Variants in TRAPPC12 observed in about 807,000 individuals in gnomAD.
TRAPPC12 encodes trafficking protein particle complex subunit 12.
TRAPPC12 carries 61 observed loss-of-function variants against 69.2 expected under a neutral mutation model. That is an observed-to-expected ratio of 0.88 (90% CI 0.72 to 1.09). The LOEUF (loss-of-function observed/expected upper bound fraction) is 1.09, where lower values mean the gene tolerates loss of function less well. Ranked by LOEUF, TRAPPC12 falls within the 50% of genes least tolerant of loss-of-function variation. TRAPPC12 has a pLI of 0.00. For synonymous variants in TRAPPC12, 469 were observed against 438.9 expected, an observed-to-expected ratio of 1.07 and a Z score of -0.86; for missense variants, 1,101 against 1,016.4, an observed-to-expected ratio of 1.08 and a Z score of -1.13.
chr2:3,406,799 A>G (rs1661759034), intron 3 of TRAPPC12, among the ~76,000 whole-genome samples: 1 of 152,204 alleles, frequency 6.6e-6, no homozygotes, highest in African/African-American at 2.4e-5. Flanking sequence ...AATCACACAC[A>G]AAGCCATGCA....
intron 3 of TRAPPC12, among the ~76,000 whole-genome samples, chr2:3,420,679 A>G (rs560030011): frequency 3.3e-4 from 51 of 152,300 alleles, no homozygotes; most frequent in Non-Finnish European, 6.2e-4. Flanking sequence ...TGCCTGAGGA[A>G]GCCCAAATAA....
intron 9 of TRAPPC12, among the ~76,000 whole-genome samples, chr2:3,469,574 C>T (rs1221146083): frequency 1.3e-5 from 2 of 152,202 alleles, no homozygotes; most frequent in Non-Finnish European, 2.9e-5. Context: ...GTCACAGGCC[C>T]CTCCAGCAAG....
At chr2:3,404,348 A>G (rs531721280) in intron 3 of TRAPPC12, among the ~76,000 whole-genome samples, 1 of 152,334 alleles carries the variant, frequency 6.6e-6, no homozygotes, top group South Asian at 2.1e-4. Flanking sequence ...CCTAAAGGAA[A>G]AAATATAGAA....
chr2:3,397,714 G>T (rs957000474), intron 2 of TRAPPC12, among the ~76,000 whole-genome samples: 2 of 152,202 alleles, frequency 1.3e-5, no homozygotes, highest in African/African-American at 4.8e-5. Flanking sequence ...TATGTAGGTG[G>T]AACTTATTAT....
chr2:3,429,942 C>G (rs906320110), intron 5 of TRAPPC12, among the ~76,000 whole-genome samples: 2 of 152,148 alleles, frequency 1.3e-5, no homozygotes, highest in Non-Finnish European at 2.9e-5. Context: ...CAATTCAGTC[C>G]CCTCCCAGAG....
At chr2:3,455,557 C>T (rs765999833) in intron 6 of TRAPPC12, 3 of 152,156 alleles carry the variant, frequency 2.0e-5, no homozygotes, top group Non-Finnish European at 4.4e-5. Flanking sequence ...TCCATGAGTT[C>T]AGTTGTTTAA....
At chr2:3,465,935 C>T in intron 9 of TRAPPC12, 1 of 558,990 alleles carries the variant, frequency 1.8e-6, no homozygotes, top group Non-Finnish European at 3.2e-6. Context: ...GTCATCACAG[C>T]CACACTGAAA....
chr2:3,466,607 C>T (rs1665823377), intron 9 of TRAPPC12, among the ~76,000 whole-genome samples: 1 of 152,234 alleles, frequency 6.6e-6, no homozygotes, highest in Non-Finnish European at 1.5e-5. Flanking sequence ...GTTGCTCACA[C>T]ATGCACTGAC....
chr2:3,469,233 C>G (rs1332163433), intron 9 of TRAPPC12, among the ~76,000 whole-genome samples: 3 of 152,172 alleles, frequency 2.0e-5, no homozygotes, highest in East Asian at 3.9e-4. Flanking sequence ...ATTATACGGT[C>G]TCTAAACTGG....
At chr2:3,435,343 A>G (rs1037323647) in intron 5 of TRAPPC12, among the ~76,000 whole-genome samples, 19 of 152,210 alleles carry the variant, frequency 1.2e-4, no homozygotes, top group African/African-American at 4.6e-4. Context: ...CTGGGGGGGC[A>G]GGGGAATGGC....
chr2:3,388,352 G>A lies in TRAPPC12; in HGVS notation c.729G>A (p.Pro243=), dbSNP rs1157056856. ...ISVSNPGAGS[P]APASPPPLAV... ...TCAGCAATCCCGGCGCGGGCTCCCCGGCCCCCGCCAGCCCGCCTCCCCTCG... is the reference window on the plus strand; with the variant it reads ...TCAGCAATCCCGGCGCGGGCTCCCCAGCCCCCGCCAGCCCGCCTCCCCTCG... The change falls in exon 2 of 12, where the codon CCG becomes CCA. Residue 243 remains proline (P), a synonymous_variant. Transcript: ENST00000324266. The A allele has an allele frequency of 1.3e-6, 2 of 1,583,528 alleles. No homozygotes were observed. The highest frequency in any genetic ancestry group is 1.2e-5 in the South Asian group (1 of 86,372).
At chr2:3,466,408 G>C in intron 9 of TRAPPC12, 1 of 471,086 alleles carries the variant, frequency 2.1e-6, no homozygotes, top group South Asian at 1.5e-5. Context: ...GCCAGGCCCT[G>C]CGCTGAGCAT....
chr2:3,393,705 G>A (rs112247662), intron 2 of TRAPPC12, among the ~76,000 whole-genome samples: 230 of 60,440 alleles, frequency 3.8e-3, no homozygotes, highest in African/African-American at 0.015. Context: ...AAAAAAAAAA[G>A]AACTGGAAAT....
intron 3 of TRAPPC12, among the ~76,000 whole-genome samples, chr2:3,410,677 C>T (rs1304582959): frequency 2.6e-5 from 4 of 152,188 alleles, no homozygotes; most frequent in Non-Finnish European, 4.4e-5. Flanking sequence ...ATCAGATCTT[C>T]CCGTTGATAT....
chr2:3,388,299 T>C lies in TRAPPC12; in HGVS notation c.676T>C (p.Ser226Pro), dbSNP rs1176965430. 3 of 1,607,234 alleles carry C rather than the reference T, an allele frequency of 1.9e-6. No homozygotes were observed. Among genetic ancestry groups the C allele is most frequent in the Admixed American group, 1.7e-5 (1 of 59,650 alleles). The part of the protein sequence containing the change: ...SHSLASDFFD[S>P]FTTSAFISVS... ...CTCCTTGGCCTCGGACTTCTTCGAC[T>C]CCTTTACTACCTCCGCCTTCATTTC... Residue 226 changes from serine (S) to proline (P), a missense_variant, in exon 2 of 12, where the codon TCC (serine) becomes CCC (proline). Transcript: ENST00000324266.
At chr2:3,462,926 A>G (rs1237896722) in intron 8 of TRAPPC12, 2 of 471,176 alleles carry the variant, frequency 4.2e-6, no homozygotes, top group Non-Finnish European at 8.8e-6. Context: ...CAGCTGCATC[A>G]GCTACCTTCC....
chr2:3,440,053 G>A (rs1042525463), intron 5 of TRAPPC12, among the ~76,000 whole-genome samples: 2 of 152,118 alleles, frequency 1.3e-5, no homozygotes, highest in Non-Finnish European at 2.9e-5. Flanking sequence ...CTATTTGTCC[G>A]TTCTTTTTCT....
chr2:3,415,217 G>C (rs763179198), intron 3 of TRAPPC12, among the ~76,000 whole-genome samples: 1 of 152,186 alleles, frequency 6.6e-6, no homozygotes, highest in African/African-American at 2.4e-5. Flanking sequence ...GAGCACCCAC[G>C]TGCCATTCTG....
intron 10 of TRAPPC12, 61 bp downstream of exon 10, chr2:3,477,856 C>A: frequency 8.3e-7 from 1 of 1,210,262 alleles, no homozygotes; most frequent in Non-Finnish European, 1.2e-6. Context: ...TCAAGCCCCA[C>A]TTACTGAGTT....
Sources: allele counts gnomAD v4.1 joint callset (sites outside exome capture counted in the v4.1 genomes callset), GRCh38; gene constraint gnomAD v4.1.1; transcripts MANE v1.5; gene names NCBI Gene and HGNC (gene_info 2026-07-23, HGNC 2026-07-21).